Variants in GCM2 observed in about 807,000 individuals in gnomAD.
The protein encoded by GCM2 is chorion-specific transcription factor GCMb.
A neutral mutation model predicts 24.8 loss-of-function variants in GCM2; 21 were observed. The ratio of observed to expected loss-of-function variants is 0.85; its 90% CI spans 0.60 to 1.22. The LOEUF is 1.22. GCM2 is among the 50% of genes most tolerant of loss of function. GCM2 has a pLI of 0.00. For synonymous variants in GCM2, 222 were observed against 238.0 expected, an observed-to-expected ratio of 0.93 and a Z score of 0.62; for missense variants, 532 against 645.6, an observed-to-expected ratio of 0.82 and a Z score of 1.91.
At position 10,876,030 on chromosome 6, in the gene GCM2, A is replaced by C. The variant is rs1306109018; in HGVS notation, c.457-14T>G. On this transcript the variant is annotated splice_polypyrimidine_tract_variant and intron_variant, in intron 3 of 4. Transcript: ENST00000379491. Reference sequence around the variant, plus strand: ...AACTCCCTTGGCCTGCGATAACGAGAAAATGAATCATACATTTGTGCCTCT... The same window carrying C: ...AACTCCCTTGGCCTGCGATAACGAGCAAATGAATCATACATTTGTGCCTCT... 3 of 1,613,892 alleles carry C rather than the reference A, an allele frequency of 1.9e-6. No homozygotes were observed. The highest frequency in any genetic ancestry group is 2.7e-5 in the African/African-American group (2 of 75,040).
At chr6:10,877,083 C>T (rs1043414614) in intron 2 of GCM2, 57 bp downstream of exon 2, 34 of 1,595,300 alleles carry the variant, frequency 2.1e-5, no homozygotes, top group Non-Finnish European at 2.4e-5. Context: ...ACAAAAACAA[C>T]AACAACAAAA....
intron 4 of GCM2, 72 bp downstream of exon 4, chr6:10,875,819 T>C: frequency 6.9e-7 from 1 of 1,457,696 alleles, no homozygotes; most frequent in East Asian, 2.3e-5. Context: ...ACCTTCATAT[T>C]TTGCATAACG....
Position 10,882,017 on chromosome 6 carries a change from C to G in GCM2, c.-224G>C, listed in dbSNP as rs773728543. The G allele has an allele frequency of 2.9e-5, 16 of 559,986 alleles. No homozygotes were observed. The Middle Eastern group carries it at 1.4e-3, about 51-fold the overall frequency. The allele number at this position is 559,986 out of a possible 1,614,324, so 34.7% of individuals were successfully genotyped here. A position where few individuals can be genotyped will look rare whatever the true frequency, so the allele number is the denominator to read the frequency against. On this transcript the variant is annotated 5_prime_UTR_variant, in exon 1 of 5. Coordinates refer to ENST00000379491, the MANE Select transcript of GCM2 (RefSeq NM_004752.4). ...CCTTGTCCTTGGCCGCGGTGCTGAA[C>G]GTTCTCCACCCGAACGGCAGCATCG... is the stretch of plus-strand genomic sequence containing the variant.
At position 10,874,548 on chromosome 6, in the gene GCM2, C is replaced by T. The variant is rs1779849768; in HGVS notation, c.968G>A (p.Ser323Asn). ...NVNSYSSYERSFDFTNKQHGW... is the reference protein window; with the variant it reads ...NVNSYSSYERNFDFTNKQHGW... The stretch of plus-strand genomic sequence containing the variant: ...ATGCTGTTTGTTGGTGAAATCAAAG[C>T]TTCTCTCATAGCTGCTGTATGAATT... The change falls in exon 5 of 5, where the codon AGC (serine) becomes AAC (asparagine). Residue 323 changes from serine (S) to asparagine (N), a missense_variant. This residue lies in a region of GCM2 where 434 missense variants were observed against 521.9 expected (regional missense o/e 0.83). Transcript: ENST00000379491. 6.2e-7 allele frequency: 1 copy of T among 1,614,132 alleles called. No individual in the cohort carries two copies. Among genetic ancestry groups the T allele is most frequent in the Non-Finnish European group, 8.5e-7 (1 of 1,180,020 alleles).
rs148928408 is a variant in GCM2, at chr6:10,874,396, G to A, written c.1120C>T (p.Pro374Ser). ...ACGGTTTGTAGGGCAGGGGCACCTG[G>A]TGGTGGAGTCGTGAGGTACCTGCAG... ...LPCRYLTTPP[P>S]GAPALQTVIT... is the part of the protein sequence containing the mutation. The change falls in exon 5 of 5, where the codon CCA becomes TCA. Residue 374 changes from proline to serine, a missense_variant. Pro to Ser is a moderately conservative substitution (Grantham distance 74). This residue lies in a region of GCM2 where 434 missense variants were observed against 521.9 expected (regional missense o/e 0.83). Coordinates refer to ENST00000379491, the MANE Select transcript of GCM2 (RefSeq NM_004752.4). 1.9e-6 allele frequency: 3 copies of A among 1,614,238 alleles called. No individual in the cohort carries two copies. Among genetic ancestry groups the A allele is most frequent in the Non-Finnish European group, 2.5e-6 (3 of 1,180,038 alleles).
At chr6:10,881,619 G>T in intron 1 of GCM2, 85 bp downstream of exon 1, 2 of 677,628 alleles carry the variant, frequency 3.0e-6, no homozygotes, top group Non-Finnish European at 2.5e-6. Context: ...TGGTCCGTCC[G>T]CAGACTCTTC....
rs149143032 is a variant in GCM2 at position 10,877,177 on chromosome 6, C to A, written c.306G>T (p.Arg102Ser). 6.2e-7 allele frequency: 1 copy of A among 1,613,728 alleles called. No homozygotes were observed. The change falls in exon 2 of 5, where the codon AGG (arginine) becomes AGT (serine). Residue 102 changes from arginine (R) to serine (S), a missense_variant. Around this residue, in one of 3 missense-constraint regions of GCM2, gnomAD observed 434 missense variants for 521.9 expected, o/e 0.83. Transcript: ENST00000379491. ...GCCGTGCCTTGTCGCAGATGGCCGG[C>A]CTCAGCTGCAGGCGGGAACCGTCGG... ...TLPDGSRLQL[R>S]PAICDKARLK...
Position 10,874,114 on chromosome 6 carries a change from C to G in GCM2, c.1402G>C (p.Val468Leu). The change falls in exon 5 of 5, where the codon GTT (valine) becomes CTT (leucine). Residue 468 changes from valine to leucine, a missense_variant. Coordinates refer to ENST00000379491, the MANE Select transcript of GCM2 (RefSeq NM_004752.4). ...TCTGCTTCATCTGTCCTAGAGGAAACTGGCTCGTGGGGAATAGCCACAGTG... is the reference window on the plus strand; with the variant it reads ...TCTGCTTCATCTGTCCTAGAGGAAAGTGGCTCGTGGGGAATAGCCACAGTG... ...RPTVAIPHEPVSSRTDEAETW... is the reference protein window; with the variant it reads ...RPTVAIPHEPLSSRTDEAETW... The G allele has an allele frequency of 6.2e-7, 1 of 1,614,218 alleles. No individual in the cohort carries two copies. The highest frequency in any genetic ancestry group is 8.5e-7 in the Non-Finnish European group (1 of 1,180,036).
intron 3 of GCM2, 143 bp from the exon 4 acceptor site, chr6:10,876,159 C>T: frequency 1.2e-6 from 1 of 845,494 alleles, no homozygotes; most frequent in East Asian, 2.5e-5. Context: ...AATTCTTGAA[C>T]AAATAAAACA....
Position 10,875,906 on chromosome 6 carries a change from T to C in GCM2, c.567A>G (p.Arg189=). The change falls in exon 4 of 5, where the codon AGA becomes AGG. Residue 189 remains arginine, a synonymous_variant. Transcript: ENST00000379491. Reference sequence around the variant, plus strand: ...TCCCTGTTACCTCGGATTCTCGAATTCTCTTTTTCTGGGGTTGGTAGAAAG... The same window carrying C: ...TCCCTGTTACCTCGGATTCTCGAATCCTCTTTTTCTGGGGTTGGTAGAAAG... ...MASFYQPQKK[R]IRESEAEENQ... 1 of 1,614,082 alleles carries C rather than the reference T, an allele frequency of 6.2e-7. No homozygotes were observed. The highest frequency in any genetic ancestry group is 8.5e-7 in the Non-Finnish European group (1 of 1,179,964).
At chr6:10,875,829 G>A in intron 4 of GCM2, 62 bp downstream of exon 4, 4 of 1,537,582 alleles carry the variant, frequency 2.6e-6, no homozygotes, top group Non-Finnish European at 3.6e-6. Context: ...TTTGCATAAC[G>A]ATCAGCGTAT....
chr6:10,881,551 GGTATGTGTGTGTGTGTGT>G lies in GCM2; in HGVS notation c.90+135_90+152del, dbSNP rs796277373. Among the ~76,000 whole-genome samples, 19,177 of 128,142 alleles carry G rather than the reference GGTATGTGTGTGTGTGTGT, an allele frequency of 0.15. 1,541 individuals are homozygous for G. Among genetic ancestry groups the G allele is most frequent in the Middle Eastern group, 0.29 (72 of 248 alleles). The allele number at this position is 128,142 out of a possible 152,430, so 84.1% of individuals were successfully genotyped here. A position where few individuals can be genotyped will look rare whatever the true frequency, so the allele number is the denominator to read the frequency against. On this transcript the variant is annotated intron_variant, in intron 1 of 4. Transcript: ENST00000379491. ...GCCTCAGAAACCCAGAAATTTTGCG[GGTATGTGTGTGTGTGTGT>G]GTGTGTGTGTGTGTGTGTGTGTGTG...
In GCM2 at chr6:10,874,089, T is replaced by G. The variant is rs1779840442; in HGVS notation, c.1427A>C (p.Glu476Ala). Residue 476 changes from glutamate to alanine, a missense_variant, in exon 5 of 5, where the codon GAG becomes GCG. Transcript: ENST00000379491. ...EPVSSRTDEA[E>A]TWDVCLSGLG... The stretch of plus-strand genomic sequence containing the variant: ...CCCAGACAGACACACATCCCAAGTC[T>G]CTGCTTCATCTGTCCTAGAGGAAAC... The G allele has an allele frequency of 6.2e-7, 1 of 1,614,204 alleles. No homozygotes were observed.
In GCM2 at chr6:10,874,054, C is replaced by T. The variant is rs751668850; in HGVS notation, c.1462G>A (p.Ala488Thr). The T allele has an allele frequency of 3.3e-5, 53 of 1,614,072 alleles. No individual in the cohort carries two copies. The highest frequency in any genetic ancestry group is 4.4e-5 in the South Asian group (4 of 91,092). ...WDVCLSGLGS[A>T]VSYSDRVGPF... ...CCCACTCTGTCTGAGTAACTGACTG[C>T]GGAGCCCAGCCCAGACAGACACACA... Residue 488 changes from alanine to threonine, a missense_variant, in exon 5 of 5, where the codon GCA (alanine) becomes ACA (threonine). Transcript: ENST00000379491.
chr6:10,881,910 G>A lies in GCM2; in HGVS notation c.-117C>T. 2.6e-6 allele frequency: 2 copies of A among 771,764 alleles called. No homozygotes were observed. 47.8% of individuals were successfully genotyped at this position (771,764 alleles called of 1,614,324 possible). On this transcript the variant is annotated 5_prime_UTR_variant, in exon 1 of 5. Coordinates refer to ENST00000379491, the MANE Select transcript of GCM2 (RefSeq NM_004752.4). ...AAAGAAGAAAGTGGGGTGTGTGAAGGGGAGGTGCAGAGAGAGAGAAAGAGA... is the reference window on the plus strand; with the variant it reads ...AAAGAAGAAAGTGGGGTGTGTGAAGAGGAGGTGCAGAGAGAGAGAAAGAGA...
chr6:10,881,499 T>C (rs939046293), intron 1 of GCM2, among the ~76,000 whole-genome samples: 4 of 150,944 alleles, frequency 2.6e-5, no homozygotes, highest in African/African-American at 9.8e-5. Context: ...TTTTGTAGAG[T>C]CCAGTTTTCT....
At chr6:10,875,219 A>G (rs1371370617) in intron 4 of GCM2, among the ~76,000 whole-genome samples, 3 of 152,168 alleles carry the variant, frequency 2.0e-5, no homozygotes, top group Admixed American at 6.5e-5. Flanking sequence ...TGTCTTCCTA[A>G]TAGTGGAGAC....
chr6:10,881,957 G>A lies in GCM2; in HGVS notation c.-164C>T. ...GAGAGAGAGGCTGTTTAGATATCTG[G>A]AAGCTGGGGACAATGGTTATGGACC... On this transcript the variant is annotated 5_prime_UTR_variant, in exon 1 of 5. Coordinates refer to ENST00000379491, the MANE Select transcript of GCM2 (RefSeq NM_004752.4). 1.5e-6 allele frequency: 1 copy of A among 672,108 alleles called. No individual in the cohort carries two copies. The allele number at this position is 672,108 out of a possible 1,614,324, so 41.6% of individuals were successfully genotyped here. A position where few individuals can be genotyped will look rare whatever the true frequency, so the allele number is the denominator to read the frequency against.
chr6:10,879,013 A>G (rs1338445450), intron 1 of GCM2, among the ~76,000 whole-genome samples: 1 of 152,244 alleles, frequency 6.6e-6, no homozygotes, highest in Admixed American at 6.5e-5. Flanking sequence ...ACTTGTATAC[A>G]TCATTAATAC....
Sources: allele counts gnomAD v4.1 joint callset (sites outside exome capture counted in the v4.1 genomes callset), GRCh38; gene constraint gnomAD v4.1.1; regional missense constraint gnomAD v4.1.1; transcripts MANE v1.5; gene names NCBI Gene and HGNC (gene_info 2026-07-23, HGNC 2026-07-21).